The following RAB3GAP2 variants were observed in gnomAD, a reference collection of about 807,000 sequenced individuals.
The protein encoded by RAB3GAP2 is RAB3 GTPase activating non-catalytic protein subunit 2, also known as rab3 GTPase-activating protein non-catalytic subunit.
In RAB3GAP2, 87 loss-of-function variants were observed where a neutral mutation model predicts 185.3. The ratio of observed to expected loss-of-function variants is 0.47; its 90% CI spans 0.39 to 0.56. The LOEUF is 0.56. Among genes scored for constraint, RAB3GAP2 ranks in the 20% least tolerant of loss-of-function variants. The pLI is 0.00. For synonymous variants in RAB3GAP2, 554 were observed against 576.1 expected, an observed-to-expected ratio of 0.96 and a Z score of 0.55; for missense variants, 1,492 against 1,638.2, an observed-to-expected ratio of 0.91 and a Z score of 1.54.
At position 220,200,526 on chromosome 1, in the gene RAB3GAP2, G is replaced by T. The variant is rs758918524; in HGVS notation, c.811+1750C>A. ...TACATAAAGATGTACATACAATAAC[G>T]TTTATTGTACCTTTTTTCATTTTGT... On this transcript the variant is annotated intron_variant, in intron 9 of 34. Transcript: ENST00000358951. The T allele has an allele frequency of 5.7e-6, 3 of 523,284 alleles. No homozygotes were observed. In the East Asian group the frequency reaches 1.6e-4, roughly 29 times the overall value. The allele number at this position is 523,284 out of a possible 1,614,324, so 32.4% of individuals were successfully genotyped here.
intron 2 of RAB3GAP2, among the ~76,000 whole-genome samples, chr1:220,224,005 C>CAAAAAAAAAAAAAAAAAAAAAAAAAA (rs1170784100): frequency 1.1e-5 from 1 of 90,184 alleles, no homozygotes; most frequent in South Asian, 3.7e-4. Context: ...GACCCTATCT[C>CAAAAAAAAAAAAAAAAAAAAAAAAAA]AAAAAAAAAA....
intron 12 of RAB3GAP2, among the ~76,000 whole-genome samples, chr1:220,194,044 A>AT (rs1558150952): frequency 6.6e-6 from 1 of 152,088 alleles, no homozygotes. Context: ...GTTACAATGT[A>AT]TTTTTTAAAA....
intron 1 of RAB3GAP2, among the ~76,000 whole-genome samples, chr1:220,261,068 T>C (rs531523104): frequency 1.3e-5 from 2 of 152,018 alleles, no homozygotes; most frequent in African/African-American, 4.8e-5. Flanking sequence ...TTTTACATAC[T>C]TTAAAAAAAA....
At position 220,182,024 on chromosome 1, in the gene RAB3GAP2, A is replaced by ACT. The variant is rs144942455; in HGVS notation, c.2310+231_2310+232dup. 8.6e-5 allele frequency among the ~76,000 whole-genome samples: 13 copies of ACT among 150,638 alleles called. No individual in the cohort carries two copies. In the South Asian group the frequency reaches 1.5e-3, roughly 17 times the overall value. On this transcript the variant is annotated intron_variant, in intron 21 of 34. Coordinates refer to ENST00000358951, the MANE Select transcript of RAB3GAP2 (RefSeq NM_012414.4). ...ACTCCAGCCTGGGTGACAGAGCAAGACTCTCTCTCTCTCTCAAAGTAAAAG... is the reference window on the plus strand; with the variant it reads ...ACTCCAGCCTGGGTGACAGAGCAAGACTCTCTCTCTCTCTCTCAAAGTAAAAG...
Position 220,158,589 on chromosome 1 carries a change from C to T in RAB3GAP2, c.3262-713G>A, listed in dbSNP as rs557987816. Among the ~76,000 whole-genome samples, 39 of 152,118 alleles carry T rather than the reference C, an allele frequency of 2.6e-4. 2 individuals are homozygous for T. In the South Asian group the frequency reaches 7.9e-3, roughly 31 times the overall value. ...CTGAGTAGCTGGGATTACAGGCGCC[C>T]ACCACCATGCCTGGCTAGTTTTTCT... On this transcript the variant is annotated intron_variant, in intron 29 of 34. Transcript: ENST00000358951. The surrounding 1 kb of genome is among the most constrained non-coding windows in gnomAD (Gnocchi z 4.3).
At chr1:220,212,431 A>G (rs1659101029) in intron 4 of RAB3GAP2, among the ~76,000 whole-genome samples, 1 of 152,214 alleles carries the variant, frequency 6.6e-6, no homozygotes, top group African/African-American at 2.4e-5. Context: ...TCTACAACCT[A>G]TAAAGTTAGG....
intron 1 of RAB3GAP2, among the ~76,000 whole-genome samples, chr1:220,256,801 G>C (rs1006177892): frequency 6.6e-6 from 1 of 152,158 alleles, no homozygotes; most frequent in Non-Finnish European, 1.5e-5. Context: ...CACAATAATA[G>C]TGGGAGATTT....
chr1:220,229,716 G>T (rs1225168971), intron 2 of RAB3GAP2, among the ~76,000 whole-genome samples: 1 of 152,030 alleles, frequency 6.6e-6, no homozygotes, highest in Non-Finnish European at 1.5e-5. Flanking sequence ...TGGCCATCTG[G>T]GTCTGAAATA....
At chr1:220,180,486 A>G (rs1658382218) in intron 21 of RAB3GAP2, among the ~76,000 whole-genome samples, 1 of 152,194 alleles carries the variant, frequency 6.6e-6, no homozygotes, top group Non-Finnish European at 1.5e-5. Context: ...TAGAAATACA[A>G]AGGATCATTA....
intron 27 of RAB3GAP2, among the ~76,000 whole-genome samples, chr1:220,163,744 C>CATACATAA (rs775527991): frequency 8.1e-6 from 1 of 123,024 alleles, no homozygotes; most frequent in South Asian, 2.7e-4. Flanking sequence ...TAAATACATA[C>CATACATAA]ATATATATAT....
chr1:220,157,170 A>T (rs2102851783), intron 31 of RAB3GAP2, 100 bp downstream of exon 31: 1 of 1,023,406 alleles, frequency 9.8e-7, no homozygotes, highest in Non-Finnish European at 1.5e-6. Flanking sequence ...AAATTATACC[A>T]GTCACAAAAG....
At chr1:220,263,600 G>A (rs2808016) in intron 1 of RAB3GAP2, among the ~76,000 whole-genome samples, 69,022 of 151,832 alleles carry the variant, frequency 0.45, 17,813 homozygotes, top group African/African-American at 0.71. Context: ...TCTTGACCAT[G>A]TATGTGAGGG....
chr1:220,267,220 G>T, intron 1 of RAB3GAP2: 1 of 911,824 alleles, frequency 1.1e-6, no homozygotes, highest in Non-Finnish European at 1.9e-6. Flanking sequence ...ATAAGTAGCA[G>T]TTCTCTGCTC....
chr1:220,177,818 C>T (rs544272797), intron 21 of RAB3GAP2, among the ~76,000 whole-genome samples: 1 of 152,144 alleles, frequency 6.6e-6, no homozygotes, highest in African/African-American at 2.4e-5. Context: ...ATCTATAAAA[C>T]AACATCAAAA....
chr1:220,265,377 T>A (rs1245525978), intron 1 of RAB3GAP2, among the ~76,000 whole-genome samples: 1 of 152,102 alleles, frequency 6.6e-6, no homozygotes, highest in Non-Finnish European at 1.5e-5. Flanking sequence ...TCCACATTTT[T>A]AGTATGTCAA....
chr1:220,255,281 C>G (rs539762427), intron 1 of RAB3GAP2, among the ~76,000 whole-genome samples: 1 of 151,598 alleles, frequency 6.6e-6, no homozygotes, highest in African/African-American at 2.4e-5. Flanking sequence ...ATTCAGAGGT[C>G]AGCAACCTCA....
intron 1 of RAB3GAP2, among the ~76,000 whole-genome samples, chr1:220,269,313 G>T (rs1660289923): frequency 6.6e-6 from 1 of 152,228 alleles, no homozygotes; most frequent in Admixed American, 6.5e-5. Flanking sequence ...GAAATAAGGG[G>T]AGAGGTGTAT....
chr1:220,225,779 G>T (rs554331725), intron 2 of RAB3GAP2, among the ~76,000 whole-genome samples: 2 of 152,314 alleles, frequency 1.3e-5, no homozygotes, highest in South Asian at 4.1e-4. Flanking sequence ...TATCCTTATG[G>T]TGTAAGTGTT....
At chr1:220,175,309 C>T (rs915744951) in intron 21 of RAB3GAP2, among the ~76,000 whole-genome samples, 5 of 152,076 alleles carry the variant, frequency 3.3e-5, no homozygotes, top group Admixed American at 2.6e-4. Flanking sequence ...TCACGACAGC[C>T]TCCGCCTCCC....
Sources: gnomAD v4.1 joint callset for allele counts (sites outside exome capture counted in the v4.1 genomes callset) on GRCh38, gnomAD v4.1.1 for gene constraint, Gnocchi (gnomAD v3.1) non-coding constraint, MANE v1.5 for transcripts, NCBI Gene and HGNC (gene_info 2026-07-23, HGNC 2026-07-21) for gene names.